CNTN6: variants seen among roughly 807,000 people sequenced by gnomAD.
CNTN6 encodes the protein contactin-6.
CNTN6 carries 137 observed loss-of-function variants against 122.8 expected under a neutral mutation model. The observed-to-expected ratio is 1.12, with a 90% CI of 0.97 to 1.29. CNTN6 has a LOEUF of 1.29. Among genes scored for constraint, CNTN6 ranks in the 50% most tolerant of loss-of-function variants. The probability of loss-of-function intolerance (pLI) is 0.00; values close to 1 mark genes in which losing one functional copy is unlikely to be tolerated. For synonymous variants in CNTN6, 570 were observed against 426.0 expected (o/e 1.34, Z -4.16); for missense variants, 1,634 against 1,223.4 (o/e 1.34, Z -5.01).
chr3:1,160,114 C>T (rs562583018), intron 2 of CNTN6, among the ~76,000 whole-genome samples: 14 of 151,986 alleles, frequency 9.2e-5, no homozygotes, highest in Admixed American at 4.6e-4. Context: ...CCACCACGCC[C>T]GGCCAATCAT....
chr3:1,228,937 C>T (rs1370059639), intron 4 of CNTN6, among the ~76,000 whole-genome samples: 1 of 113,946 alleles, frequency 8.8e-6, no homozygotes, highest in African/African-American at 3.3e-5. Flanking sequence ...GATTATTCTA[C>T]ACCAGAGATC....
intron 4 of CNTN6, among the ~76,000 whole-genome samples, chr3:1,245,295 CATATATATATATATATATAT>C (rs71056326): frequency 0.15 from 581 of 3,818 alleles, 171 homozygotes; most frequent in East Asian, 0.52. Flanking sequence ...ATATATATAA[CATATATATATATATATATAT>C]ATATATATAT....
At chr3:1,169,643 T>C (rs2093323802) in intron 2 of CNTN6, among the ~76,000 whole-genome samples, 1 of 152,234 alleles carries the variant, frequency 6.6e-6, no homozygotes, top group Non-Finnish European at 1.5e-5. Context: ...CTTTTACTTC[T>C]CTAAATTTTC....
chr3:1,132,847 T>C, intron 1 of CNTN6, among the ~76,000 whole-genome samples: 1 of 152,018 alleles, frequency 6.6e-6, no homozygotes, highest in Non-Finnish European at 1.5e-5. Context: ...TTCCCTTTAT[T>C]TAAAAAAGTC....
rs564333782 is a variant in CNTN6 at position 1,309,009 on chromosome 3, A to G, written c.761+11018A>G. Among the ~76,000 whole-genome samples, 6 of 152,228 alleles carry G rather than the reference A, an allele frequency of 3.9e-5. No individual in the cohort carries two copies. The South Asian group carries it at 1.2e-3, about 32-fold the overall frequency. On this transcript the variant is annotated intron_variant, in intron 7 of 22. Coordinates refer to ENST00000446702, the MANE Select transcript of CNTN6 (RefSeq NM_001289080.2). ...ATTTTCTTATTGATGAGCTTTAAGA[A>G]TTCTTTGCATATTTTGAACATAAGC...
intron 1 of CNTN6, among the ~76,000 whole-genome samples, chr3:1,130,018 C>A (rs2092294646): frequency 6.6e-6 from 1 of 151,904 alleles, no homozygotes; most frequent in Non-Finnish European, 1.5e-5. Flanking sequence ...AAAAGCAAAT[C>A]TTTAATTTTT....
intron 1 of CNTN6, among the ~76,000 whole-genome samples, chr3:1,102,649 AC>A (rs746301352): frequency 6.7e-6 from 1 of 149,732 alleles, no homozygotes. Flanking sequence ...AATGGCGGGA[AC>A]CCGGGGGGCG....
chr3:1,278,685 T>C (rs770122280), intron 5 of CNTN6, among the ~76,000 whole-genome samples, 177 bp downstream of exon 5: 1 of 152,214 alleles, frequency 6.6e-6, no homozygotes, highest in Non-Finnish European at 1.5e-5. Context: ...TTTAAAAATA[T>C]TCGTTCAAGC....
intron 1 of CNTN6, among the ~76,000 whole-genome samples, chr3:1,120,317 A>G (rs1423029691): frequency 6.6e-6 from 1 of 152,006 alleles, no homozygotes; most frequent in Admixed American, 6.6e-5. Flanking sequence ...CATTCCTGCC[A>G]GCAATATACG....
chr3:1,329,912 G>T lies in CNTN6; in HGVS notation c.1341G>T (p.Thr447=), dbSNP rs184379443. The change falls in exon 11 of 23, where the codon ACG becomes ACT. Residue 447 remains threonine, a synonymous_variant. Coordinates refer to ENST00000446702, the MANE Select transcript of CNTN6 (RefSeq NM_001289080.2). ...PRAAISWKRG[T]ETLRQSKRIF... is the part of the protein sequence containing the mutation. ...CAGCTATCTCTTGGAAAAGAGGAACGGAGACCCTTAGACAAAGCAAAAGGT... is the reference window on the plus strand; with the variant it reads ...CAGCTATCTCTTGGAAAAGAGGAACTGAGACCCTTAGACAAAGCAAAAGGT... 6.2e-7 allele frequency: 1 copy of T among 1,609,172 alleles called. No homozygotes were observed. The highest frequency in any genetic ancestry group is 8.5e-7 in the Non-Finnish European group (1 of 1,177,184).
intron 2 of CNTN6, among the ~76,000 whole-genome samples, chr3:1,196,542 T>C (rs2093781436): frequency 6.6e-6 from 1 of 152,182 alleles, no homozygotes; most frequent in Admixed American, 6.5e-5. Flanking sequence ...CAATAAATAT[T>C]TGTTGTTGAA....
chr3:1,102,311 G>C (rs1360073597), intron 1 of CNTN6, among the ~76,000 whole-genome samples: 1 of 152,178 alleles, frequency 6.6e-6, no homozygotes, highest in African/African-American at 2.4e-5. Context: ...AGCTTTTAGT[G>C]AAAGAACATG....
chr3:1,202,478 T>C (rs1013145023), intron 2 of CNTN6, among the ~76,000 whole-genome samples: 11 of 151,638 alleles, frequency 7.3e-5, no homozygotes, highest in Non-Finnish European at 1.5e-4. Flanking sequence ...GGGGCGGAGC[T>C]TGCAGTGAGC....
chr3:1,250,774 G>C (rs2094652855), intron 4 of CNTN6, among the ~76,000 whole-genome samples: 1 of 152,128 alleles, frequency 6.6e-6, no homozygotes, highest in South Asian at 2.1e-4. Context: ...AAGTCCCCCT[G>C]ACTGTGTTGC....
intron 2 of CNTN6, among the ~76,000 whole-genome samples, chr3:1,152,164 C>T (rs1474263026): frequency 2.0e-5 from 3 of 151,710 alleles, no homozygotes; most frequent in African/African-American, 7.3e-5. Context: ...TTTGAGATGG[C>T]GTCTCCCTGT....
intron 7 of CNTN6, among the ~76,000 whole-genome samples, chr3:1,314,480 C>G (rs1699823292): frequency 6.6e-6 from 1 of 151,954 alleles, no homozygotes; most frequent in African/African-American, 2.4e-5. Context: ...TTTAAGAAAT[C>G]CAGGGGAGAA....
chr3:1,369,090 A>C (rs1708623697), intron 12 of CNTN6, among the ~76,000 whole-genome samples: 1 of 152,174 alleles, frequency 6.6e-6, no homozygotes, highest in East Asian at 1.9e-4. Context: ...TTTTTCACAC[A>C]GTTTCTCTGT....
intron 2 of CNTN6, among the ~76,000 whole-genome samples, chr3:1,154,502 GGCACAA>G: frequency 6.8e-6 from 1 of 147,664 alleles, no homozygotes; most frequent in South Asian, 2.1e-4. Flanking sequence ...ACAGTGCAGT[GGCACAA>G]TCTTGGCTCA....
chr3:1,203,751 ATT>A (rs141707123), intron 2 of CNTN6, among the ~76,000 whole-genome samples: 2 of 152,016 alleles, frequency 1.3e-5, no homozygotes, highest in African/African-American at 4.8e-5. Context: ...GCCATTCCAG[ATT>A]TTTTTTAGAG....
Sources: allele counts gnomAD v4.1 joint callset (sites outside exome capture counted in the v4.1 genomes callset), GRCh38; gene constraint gnomAD v4.1.1; transcripts MANE v1.5; gene names NCBI Gene and HGNC (gene_info 2026-07-23, HGNC 2026-07-21).